The following GRM5 variants were observed in gnomAD, a reference collection of about 807,000 sequenced individuals.
The protein encoded by GRM5 is glutamate metabotropic receptor 5.
GRM5 carries 19 observed loss-of-function variants against 83.1 expected under a neutral mutation model. That is an observed-to-expected ratio of 0.23 (90% CI 0.16 to 0.34). The LOEUF (loss-of-function observed/expected upper bound fraction) is 0.34. GRM5 is among the 10% of genes least tolerant of loss of function. GRM5 has a pLI of 1.00. For missense variants in GRM5, 1,160 were observed against 1,588.3 expected, an observed-to-expected ratio of 0.73 and a Z score of 4.58; for synonymous variants, 675 against 633.6, an observed-to-expected ratio of 1.07 and a Z score of -0.98.
chr11:88,854,058 G>GTA (rs10525785), intron 2 of GRM5, among the ~76,000 whole-genome samples: 66,774 of 120,880 alleles, frequency 0.55, 17,175 homozygotes, highest in Middle Eastern at 0.68. Context: ...AAAATGTGGT[G>GTA]TATATATATA....
intron 2 of GRM5, among the ~76,000 whole-genome samples, chr11:88,858,252 G>A (rs1302791401): frequency 6.6e-6 from 1 of 152,040 alleles, no homozygotes; most frequent in African/African-American, 2.4e-5. Flanking sequence ...CTCTTCAACA[G>A]TAAATTAAGC....
intron 2 of GRM5, among the ~76,000 whole-genome samples, chr11:88,963,139 T>C (rs1324895093): frequency 6.6e-6 from 1 of 152,074 alleles, no homozygotes; most frequent in Non-Finnish European, 1.5e-5. Flanking sequence ...AAGGAGGTGA[T>C]ATACAAATGC....
intron 3 of GRM5, among the ~76,000 whole-genome samples, chr11:88,779,745 C>A (rs772674432): frequency 3.9e-5 from 6 of 152,090 alleles, no homozygotes; most frequent in Non-Finnish European, 8.8e-5. Context: ...TCTTAGTCAC[C>A]GAAAAGCAAA....
At position 88,757,066 on chromosome 11, in the gene GRM5, G is replaced by A. The variant is rs766338735; in HGVS notation, c.911+92840C>T. Among the ~76,000 whole-genome samples, 30 of 152,112 alleles carry A rather than the reference G, an allele frequency of 2.0e-4. No homozygotes were observed. In the South Asian group the frequency reaches 2.1e-3, roughly 11 times the overall value. On this transcript the variant is annotated intron_variant, in intron 3 of 9. Coordinates refer to ENST00000305447, the MANE Select transcript of GRM5 (RefSeq NM_001143831.3). ...AAATAAGTGGCTCATCACATGCAAG[G>A]GGTCCTCAAAAATAATATGAACAGA...
intron 4 of GRM5, among the ~76,000 whole-genome samples, chr11:88,652,791 A>G (rs546868378): frequency 1.3e-5 from 2 of 152,064 alleles, no homozygotes; most frequent in Non-Finnish European, 1.5e-5. Flanking sequence ...AACCGTTACT[A>G]TGTGCTTCCA....
chr11:89,053,770 A>G (rs567137475), intron 1 of GRM5, among the ~76,000 whole-genome samples: 1 of 152,298 alleles, frequency 6.6e-6, no homozygotes, highest in East Asian at 1.9e-4. Flanking sequence ...AGAAGCATAA[A>G]CTGAAAAAAT....
chr11:88,979,748 G>A (rs1443848785), intron 2 of GRM5, among the ~76,000 whole-genome samples: 1 of 151,986 alleles, frequency 6.6e-6, no homozygotes, highest in African/African-American at 2.4e-5. Flanking sequence ...CTGCAGTAGA[G>A]AGAGGAGTAC....
intron 3 of GRM5, among the ~76,000 whole-genome samples, chr11:88,811,673 T>C (rs972781819): frequency 6.6e-6 from 1 of 152,148 alleles, no homozygotes; most frequent in East Asian, 1.9e-4. Flanking sequence ...ACAAACTATA[T>C]GTATGACAAG....
At chr11:88,595,006 TGTAA>T (rs945472582) in intron 6 of GRM5, among the ~76,000 whole-genome samples, 2 of 152,244 alleles carry the variant, frequency 1.3e-5, no homozygotes, top group African/African-American at 4.8e-5. Context: ...TTTCATTTCC[TGTAA>T]GTGTGGCCAC....
intron 3 of GRM5, among the ~76,000 whole-genome samples, chr11:88,697,364 T>G (rs1422120897): frequency 6.6e-6 from 1 of 152,160 alleles, no homozygotes; most frequent in African/African-American, 2.4e-5. Flanking sequence ...TTTGTATGGG[T>G]TCCCAGAGGA....
intron 3 of GRM5, among the ~76,000 whole-genome samples, chr11:88,833,583 A>T (rs561539365): frequency 6.6e-6 from 1 of 152,232 alleles, no homozygotes; most frequent in Admixed American, 6.5e-5. Flanking sequence ...AAGAAAAAAT[A>T]AAACTATCGT....
chr11:88,579,414 A>C (rs1943180774), intron 7 of GRM5, among the ~76,000 whole-genome samples: 1 of 152,206 alleles, frequency 6.6e-6, no homozygotes, highest in African/African-American at 2.4e-5. Flanking sequence ...ACATTAACAC[A>C]TAAACAATAT....
rs1018957691 is a variant in GRM5, at chr11:88,795,956, A to G, written c.911+53950T>C. ...AATCATCTGGATTGTTACTTATTTA[A>G]TGAAACGTATTAGTAATTTGAAATA... On this transcript the variant is annotated intron_variant, in intron 3 of 9. Coordinates refer to ENST00000305447, the MANE Select transcript of GRM5 (RefSeq NM_001143831.3). Among the ~76,000 whole-genome samples, 12 of 152,222 alleles carry G rather than the reference A, an allele frequency of 7.9e-5. 1 individual carries two copies. Among genetic ancestry groups the G allele is most frequent in the Admixed American group, 3.3e-4 (5 of 15,266 alleles).
chr11:88,558,555 T>G (rs904700529), intron 8 of GRM5, among the ~76,000 whole-genome samples: 1 of 151,820 alleles, frequency 6.6e-6, no homozygotes, highest in Non-Finnish European at 1.5e-5. Flanking sequence ...TTAGATGACT[T>G]GAAACATTGA....
intron 3 of GRM5, among the ~76,000 whole-genome samples, chr11:88,834,695 T>A (rs1944059851): frequency 6.6e-6 from 1 of 152,218 alleles, no homozygotes; most frequent in African/African-American, 2.4e-5. Context: ...GTTGAATGCA[T>A]GTTTAAGCCT....
chr11:88,907,379 G>A (rs1945422761), intron 2 of GRM5, among the ~76,000 whole-genome samples: 1 of 152,046 alleles, frequency 6.6e-6, no homozygotes, highest in Non-Finnish European at 1.5e-5. Flanking sequence ...GTCCAAAACT[G>A]CTAGTAGTGC....
At chr11:88,971,681 T>G (rs1322047198) in intron 2 of GRM5, among the ~76,000 whole-genome samples, 1 of 152,142 alleles carries the variant, frequency 6.6e-6, no homozygotes, top group Admixed American at 6.6e-5. Context: ...TCCAGTTTAT[T>G]GTTAATGGGC....
intron 4 of GRM5, among the ~76,000 whole-genome samples, chr11:88,634,910 C>T (rs1042834897): frequency 4.6e-5 from 7 of 152,100 alleles, no homozygotes; most frequent in Non-Finnish European, 8.8e-5. Flanking sequence ...AATTTTTCAG[C>T]GCCATTATAA....
intron 2 of GRM5, among the ~76,000 whole-genome samples, chr11:88,886,705 G>A (rs1422482355): frequency 2.0e-5 from 3 of 152,148 alleles, no homozygotes; most frequent in Admixed American, 6.6e-5. Flanking sequence ...CTACCCTGAT[G>A]AGATGTCGGC....
Sources: allele counts gnomAD v4.1 joint callset (sites outside exome capture counted in the v4.1 genomes callset), GRCh38; gene constraint gnomAD v4.1.1; transcripts MANE v1.5; gene names NCBI Gene and HGNC (gene_info 2026-07-23, HGNC 2026-07-21).